The following PHACTR3 variants were observed in gnomAD, a reference collection of about 807,000 sequenced individuals.
The protein encoded by PHACTR3 is protein phosphatase 1, regulatory subunit 123.
Under a neutral mutation model 66.8 loss-of-function variants are expected in PHACTR3, and 16 were observed. That is an observed-to-expected ratio of 0.24 (90% confidence interval 0.16 to 0.36). The LOEUF (loss-of-function observed/expected upper bound fraction) is 0.36, where lower values mean the gene tolerates loss of function less well. Ranked by LOEUF, PHACTR3 falls within the 10% of genes least tolerant of loss-of-function variation. PHACTR3 has a pLI of 1.00. For synonymous variants in PHACTR3, 323 were observed against 292.1 expected (o/e 1.11, Z -1.08); for missense variants, 647 against 719.9 (o/e 0.90, Z 1.16).
rs201357222 is a variant in PHACTR3 at position 59,774,299 on chromosome 20, C to T, written c.983C>T (p.Ser328Leu). 6.5e-5 allele frequency: 105 copies of T among 1,613,022 alleles called. No individual in the cohort carries two copies. The Middle Eastern group carries it at 1.7e-3, about 25-fold the overall frequency. Residue 328 changes from serine to leucine, a missense_variant, in exon 7 of 13, where the codon TCG (serine) becomes TTG (leucine). Ser to Leu is a moderately radical substitution (Grantham distance 145). Transcript: ENST00000371015. ...SPKKRLDVRL[S>L]RTSSVERGKE... ...AAGAAGCGGCTGGATGTCCGTCTGT[C>T]GAGAACGTCCAGCGTGGAGCGGGGC...
chr20:59,610,002 C>T (rs1029410312), intron 1 of PHACTR3, among the ~76,000 whole-genome samples: 2 of 152,092 alleles, frequency 1.3e-5, no homozygotes, highest in Non-Finnish European at 2.9e-5. Flanking sequence ...ACCTGTAATC[C>T]CAGCAGTTTG....
chr20:59,732,380 A>G (rs1323783654), intron 1 of PHACTR3, among the ~76,000 whole-genome samples: 1 of 152,164 alleles, frequency 6.6e-6, no homozygotes, highest in African/African-American at 2.4e-5. Flanking sequence ...CCTGCCTGTT[A>G]GGGTTGTTTG....
intron 1 of PHACTR3, among the ~76,000 whole-genome samples, chr20:59,674,686 C>T (rs1210163988): frequency 2.6e-5 from 2 of 76,676 alleles, no homozygotes; most frequent in East Asian, 5.5e-4. Context: ...CCCACCTTCT[C>T]CTGTTCCTGC....
intron 1 of PHACTR3, among the ~76,000 whole-genome samples, chr20:59,639,730 AGG>A (rs1193403334): frequency 6.7e-6 from 1 of 149,942 alleles, no homozygotes; most frequent in African/African-American, 2.4e-5. Context: ...GGAGGGGAGA[AGG>A]GGGATGGATG....
Position 59,847,201 on chromosome 20 carries a change from C to G in PHACTR3, c.*71C>G, listed in dbSNP as rs2059166326. ...CACTGAACATTCATCAGGGAACTTT[C>G]CTGAAGTTCAGCTCAAGACTACCCT... On this transcript the variant is annotated 3_prime_UTR_variant, in exon 13 of 13. Coordinates refer to ENST00000371015, the MANE Select transcript of PHACTR3 (RefSeq NM_080672.5). 3.3e-6 allele frequency: 4 copies of G among 1,207,162 alleles called. No individual in the cohort carries two copies. Among genetic ancestry groups the G allele is most frequent in the Non-Finnish European group, 4.8e-6 (4 of 828,236 alleles). 74.8% of individuals were successfully genotyped at this position (1,207,162 alleles called of 1,614,324 possible).
At chr20:59,722,197 A>C (rs1396119491) in intron 1 of PHACTR3, among the ~76,000 whole-genome samples, 3 of 151,792 alleles carry the variant, frequency 2.0e-5, no homozygotes, top group Non-Finnish European at 4.4e-5. Context: ...ATGCCACTGC[A>C]CTCCAGCCTG....
intron 1 of PHACTR3, among the ~76,000 whole-genome samples, chr20:59,651,386 T>G (rs1189131593): frequency 1.3e-5 from 2 of 152,246 alleles, no homozygotes; most frequent in African/African-American, 2.4e-5. Flanking sequence ...CCTGCCAGTG[T>G]CTATTAATCA....
At chr20:59,748,225 C>T (rs1263616548) in intron 3 of PHACTR3, among the ~76,000 whole-genome samples, 1 of 152,030 alleles carries the variant, frequency 6.6e-6, no homozygotes, top group African/African-American at 2.4e-5. Context: ...TTTTTAATTC[C>T]ACTATTACCT....
chr20:59,824,369 C>A (rs970342769), intron 8 of PHACTR3, among the ~76,000 whole-genome samples: 5 of 152,190 alleles, frequency 3.3e-5, no homozygotes, highest in Non-Finnish European at 7.3e-5. Flanking sequence ...GTAGAGAAGC[C>A]ACTATTCAAG....
chr20:59,753,579 A>T (rs990113951), intron 3 of PHACTR3, among the ~76,000 whole-genome samples: 1 of 152,180 alleles, frequency 6.6e-6, no homozygotes, highest in Non-Finnish European at 1.5e-5. Context: ...GTCAGAAACC[A>T]TCACCAACAA....
At chr20:59,612,638 C>G (rs1600914422) in intron 1 of PHACTR3, among the ~76,000 whole-genome samples, 1 of 152,182 alleles carries the variant, frequency 6.6e-6, no homozygotes, top group Admixed American at 6.5e-5. Flanking sequence ...CCCACTTTGG[C>G]CTCCCAAAGT....
At chr20:59,753,071 G>A (rs2039659160) in intron 3 of PHACTR3, among the ~76,000 whole-genome samples, 1 of 152,128 alleles carries the variant, frequency 6.6e-6, no homozygotes, top group Non-Finnish European at 1.5e-5. Flanking sequence ...ATAGCCAAGG[G>A]TCAAATGTGG....
At chr20:59,700,284 C>T (rs894353218) in intron 1 of PHACTR3, among the ~76,000 whole-genome samples, 1 of 152,218 alleles carries the variant, frequency 6.6e-6, no homozygotes, top group African/African-American at 2.4e-5. Context: ...TGTTGGTTGA[C>T]ACTGGGGTTG....
At chr20:59,602,380 A>C (rs2033502438), upstream of PHACTR3, among the ~76,000 whole-genome samples, 1 of 150,716 alleles carries the variant, frequency 6.6e-6, no homozygotes, top group African/African-American at 2.4e-5. Context: ...GTAGTGCACT[A>C]TGATTGCCCC....
In PHACTR3 at chr20:59,755,292, C is replaced by A. The variant is rs1407555827; in HGVS notation, c.469C>A (p.Pro157Thr). 2.5e-6 allele frequency: 4 copies of A among 1,613,396 alleles called. No individual in the cohort carries two copies. In the African/African-American group the frequency reaches 5.3e-5, roughly 22 times the overall value. Residue 157 changes from proline (P) to threonine (T), a missense_variant, in exon 4 of 13, where the codon CCC (proline) becomes ACC (threonine). Pro to Thr is a conservative substitution (Grantham distance 38, BLOSUM62 -1). Transcript: ENST00000371015. ...TTCAGAAGATGCCCAGCCCGGAAGC[C>A]CCTTGGCCACTGGGACGGACCAGGT... The part of the protein sequence containing the change: ...LTSEDAQPGS[P>T]LATGTDQVSL...
intron 1 of PHACTR3, among the ~76,000 whole-genome samples, chr20:59,708,571 T>A (rs1391532705): frequency 6.6e-6 from 1 of 152,168 alleles, no homozygotes; most frequent in East Asian, 1.9e-4. Context: ...AGAGCATTTG[T>A]GAGTCATAAT....
chr20:59,639,931 C>T (rs916411393), intron 1 of PHACTR3, among the ~76,000 whole-genome samples: 15 of 152,210 alleles, frequency 9.9e-5, no homozygotes, highest in Non-Finnish European at 2.1e-4. Flanking sequence ...CAAACCTGGC[C>T]ATGATGCCCC....
chr20:59,842,858 C>A (rs1001981520), intron 11 of PHACTR3, among the ~76,000 whole-genome samples: 9 of 151,980 alleles, frequency 5.9e-5, no homozygotes, highest in Non-Finnish European at 1.2e-4. Flanking sequence ...GAATGGAACA[C>A]TTACATAATA....
Position 59,731,081 on chromosome 20 carries a change from C to G in PHACTR3, c.119-12026C>G, listed in dbSNP as rs140942447. ...ACTTTTGTTTTTCTTTAACCTTTTG[C>G]TGATATTATATATAAGAAACTCACC... is the stretch of plus-strand genomic sequence containing the variant. On this transcript the variant is annotated intron_variant, in intron 1 of 12. Transcript: ENST00000371015. Among the ~76,000 whole-genome samples the G allele has an allele frequency of 6.3e-3, 953 of 152,210 alleles. 11 individuals carry two copies. The highest frequency in any genetic ancestry group is 0.021 in the African/African-American group (886 of 41,552).
Sources: allele counts gnomAD v4.1 joint callset (sites outside exome capture counted in the v4.1 genomes callset), GRCh38; gene constraint gnomAD v4.1.1; transcripts MANE v1.5; gene names NCBI Gene and HGNC (gene_info 2026-07-23, HGNC 2026-07-21).